The following INO80B variants were observed in gnomAD, a reference collection of about 807,000 sequenced individuals.
The protein encoded by INO80B is IES2 homolog.
A neutral mutation model predicts 31.4 loss-of-function variants in INO80B; 18 were observed. The ratio of observed to expected loss-of-function variants is 0.57; its 90% CI spans 0.40 to 0.85. The LOEUF is 0.85. INO80B is among the 40% of genes least tolerant of loss of function. INO80B has a pLI of 0.00. For synonymous variants in INO80B, 238 were observed against 199.0 expected, an observed-to-expected ratio of 1.20 and a Z score of -1.65; for missense variants, 469 against 475.4, an observed-to-expected ratio of 0.99 and a Z score of 0.13.
rs1234513574 is a variant in INO80B, at chr2:74,457,736, C to T, written c.943C>T (p.Pro315Ser). 6 of 1,600,464 alleles carry T rather than the reference C, an allele frequency of 3.7e-6. No homozygotes were observed. Among genetic ancestry groups the T allele is most frequent in the Non-Finnish European group, 5.1e-6 (6 of 1,179,756 alleles). The change falls in exon 5 of 5, where the codon CCC becomes TCC. Residue 315 changes from proline to serine, a missense_variant. Pro to Ser is a moderately conservative substitution (Grantham distance 74, BLOSUM62 -1). This residue lies in a region of INO80B where 201 missense variants were observed against 151.7 expected (regional missense o/e 1.32). Coordinates refer to ENST00000233331, the MANE Select transcript of INO80B (RefSeq NM_031288.4). ...PPPRCSVPGC[P>S]HPRRYACSRT... ...GCCGCGCTGCTCTGTCCCCGGCTGT[C>T]CCCATCCGCGCCGCTACGCTTGCTC...
chr2:74,455,476 CAAG>C lies in INO80B; in HGVS notation c.135_137del (p.Lys46del), dbSNP rs777858361. 8 of 1,614,026 alleles carry C rather than the reference CAAG, an allele frequency of 5.0e-6. No individual in the cohort carries two copies. The Admixed American group carries it at 1.3e-4, about 27-fold the overall frequency. ...TGCACAAGAAAAAACACAAGAAGCA[CAAG>C]AAGAAACACAAGAAGAAACACCATC... On this transcript the variant is annotated inframe_deletion, in exon 2 of 5. Coordinates refer to ENST00000233331, the MANE Select transcript of INO80B (RefSeq NM_031288.4).
rs758435300 is a variant in INO80B at position 74,456,281 on chromosome 2, G to A, written c.540+9G>A. 9 of 1,613,890 alleles carry A rather than the reference G, an allele frequency of 5.6e-6. No individual in the cohort carries two copies. The highest frequency in any genetic ancestry group is 6.8e-6 in the Non-Finnish European group (8 of 1,179,950). ...TGCTTACTGCTCGACAGGTATGTTG[G>A]TTCATTGTTTATTCACTCACCAAAT... On this transcript the variant is annotated intron_variant, in intron 4 of 4. Transcript: ENST00000233331.
In INO80B at chr2:74,457,652, C is replaced by G. The variant is rs1004525536; in HGVS notation, c.859C>G (p.Pro287Ala). 1 of 1,599,606 alleles carries G rather than the reference C, an allele frequency of 6.3e-7. No individual in the cohort carries two copies. The highest frequency in any genetic ancestry group is 1.3e-5 in the African/African-American group (1 of 74,840). ...AGCACAGGGTTCCACCCTTTCCTTC[C>G]CACCTGGCGTCCCCGCCCCCACGGC... is the stretch of plus-strand genomic sequence containing the variant. ...SGAQGSTLSF[P>A]PGVPAPTAVS... Residue 287 changes from proline (P) to alanine (A), a missense_variant, in exon 5 of 5, where the codon CCA becomes GCA. Around this residue, in one of 3 missense-constraint regions of INO80B, gnomAD observed 201 missense variants for 151.7 expected, o/e 1.32. Transcript: ENST00000233331.
At position 74,457,324 on chromosome 2, in the gene INO80B, C is replaced by G. The variant is rs774913836; in HGVS notation, c.541-10C>G. On this transcript the variant is annotated splice_polypyrimidine_tract_variant and intron_variant, in intron 4 of 4. Coordinates refer to ENST00000233331, the MANE Select transcript of INO80B (RefSeq NM_031288.4). ...TTTTCAGACAGCACCCCGTCTCTGT[C>G]TCTCCCTAGCGAGCTCTGCTCCAGA... 6.2e-7 allele frequency: 1 copy of G among 1,602,010 alleles called. No homozygotes were observed. The highest frequency in any genetic ancestry group is 1.1e-5 in the South Asian group (1 of 89,016).
rs749825357 is a variant in INO80B at position 74,456,235 on chromosome 2, A to G, written c.503A>G (p.Lys168Arg). 7 of 1,614,076 alleles carry G rather than the reference A, an allele frequency of 4.3e-6. No individual in the cohort carries two copies. Among genetic ancestry groups the G allele is most frequent in the Admixed American group, 3.3e-5 (2 of 60,010 alleles). Residue 168 changes from lysine to arginine, a missense_variant, in exon 4 of 5, where the codon AAG becomes AGG. By Grantham distance (26) the Lys-to-Arg change is conservative. Around this residue, in one of 3 missense-constraint regions of INO80B, gnomAD observed 223 missense variants for 253.4 expected, o/e 0.88. Transcript: ENST00000233331. Reference sequence around the variant, plus strand: ...GAGCTGGATGACAATGGAGACCTCAAGAAGGAGATCAATGAGCGGCTGCTT... The same window carrying G: ...GAGCTGGATGACAATGGAGACCTCAGGAAGGAGATCAATGAGCGGCTGCTT... ...KGELDDNGDL[K>R]KEINERLLTA...
chr2:74,457,870 T>TTACCCCGGACTACG lies in INO80B; in HGVS notation c.*8_*9insCCCCGGACTACGTA. 6.5e-7 allele frequency: 1 copy of TTACCCCGGACTACG among 1,529,064 alleles called. No individual in the cohort carries two copies. Among genetic ancestry groups the TTACCCCGGACTACG allele is most frequent in the South Asian group, 1.2e-5 (1 of 81,270 alleles). 94.7% of individuals were successfully genotyped at this position (1,529,064 alleles called of 1,614,324 possible). ...CCCCCCTTTTGGCTACGTAAGGCCC[T>TTACCCCGGACTACG]TAACCCGGACTCTGCGCCCCGTCCC... On this transcript the variant is annotated 3_prime_UTR_variant, in exon 5 of 5. Transcript: ENST00000233331.
Position 74,455,509 on chromosome 2 carries a change from AG to A in INO80B, c.163del (p.Glu55LysfsTer36). 3.1e-6 allele frequency: 5 copies of A among 1,614,178 alleles called. No individual in the cohort carries two copies. The highest frequency in any genetic ancestry group is 4.2e-6 in the Non-Finnish European group (5 of 1,180,034). On this transcript the variant is annotated frameshift_variant, in exon 2 of 5. Coordinates refer to ENST00000233331, the MANE Select transcript of INO80B (RefSeq NM_031288.4). LOFTEE classifies it high-confidence loss of function. ...AACACAAGAAGAAACACCATCAGGA[AG>A]AAGACGCCGGGCCCACGCAGCCGTC... The part of the protein sequence containing the change: ...KKHKKKHHQE[E>X]DAGPTQPSPA...
At position 74,457,850 on chromosome 2, in the gene INO80B, C is replaced by T. The variant is rs766681290; in HGVS notation, c.1057C>T (p.Leu353Phe). ...LGGPEGPGSP[L>F]LAT ...GGGGCCCGAGGGTCCTGGATCCCCC[C>T]TTTTGGCTACGTAAGGCCCTTAACC... Residue 353 changes from leucine (L) to phenylalanine (F), a missense_variant, in exon 5 of 5, where the codon CTT becomes TTT. By Grantham distance (22) the Leu-to-Phe change is conservative. This residue lies in a region of INO80B where 201 missense variants were observed against 151.7 expected (regional missense o/e 1.32). Coordinates refer to ENST00000233331, the MANE Select transcript of INO80B (RefSeq NM_031288.4). 3.8e-6 allele frequency: 6 copies of T among 1,560,364 alleles called. No individual in the cohort carries two copies. Among genetic ancestry groups the T allele is most frequent in the Non-Finnish European group, 5.2e-6 (6 of 1,159,648 alleles).
At chr2:74,456,550 G>A (rs147340295) in intron 4 of INO80B, among the ~76,000 whole-genome samples, 1 of 152,348 alleles carries the variant, frequency 6.6e-6, no homozygotes, top group East Asian at 1.9e-4. Flanking sequence ...AGAGACATTA[G>A]GGTAGTTAGA....
Position 74,455,366 on chromosome 2 carries a change from C to A in INO80B, c.59-40C>A, listed in dbSNP as rs563520386. 5.6e-4 allele frequency: 907 copies of A among 1,612,444 alleles called. 14 individuals are homozygous for A. The South Asian group carries it at 9.4e-3, about 17-fold the overall frequency. ...AGGTTATTCAGGGCTTCCCCTGCCACCCTCCGGCCAAACACTGTCGACAGG... is the reference window on the plus strand; with the variant it reads ...AGGTTATTCAGGGCTTCCCCTGCCAACCTCCGGCCAAACACTGTCGACAGG... On this transcript the variant is annotated intron_variant, in intron 1 of 4. Transcript: ENST00000233331.
chr2:74,455,173 G>C lies in INO80B; in HGVS notation c.57G>C (p.Pro19=), dbSNP rs1360204968. The change falls in exon 1 of 5, where the codon CCG becomes CCC. Residue 19 remains proline (P), a splice_region_variant and synonymous_variant. Transcript: ENST00000233331. ...CTGGGGCTATGGAGGCCCCTGAGCC[G>C]GGTAAGCGCGAATAGATCAAGCAAT... ...STSGAMEAPE[P]GEALELSLAG... The C allele has an allele frequency of 6.2e-7, 1 of 1,614,190 alleles. No homozygotes were observed. Among genetic ancestry groups the C allele is most frequent in the South Asian group, 1.1e-5 (1 of 91,088 alleles).
At chr2:74,457,263 C>G (rs538697886) in intron 4 of INO80B, 71 bp from the exon 5 acceptor site, 5 of 1,499,222 alleles carry the variant, frequency 3.3e-6, no homozygotes, top group South Asian at 2.5e-5. Context: ...TTCCCCTCCC[C>G]CGATCTGGCC....
Position 74,457,558 on chromosome 2 carries a change from G to T in INO80B, c.765G>T (p.Gly255=). 1 of 1,517,290 alleles carries T rather than the reference G, an allele frequency of 6.6e-7. No homozygotes were observed. Among genetic ancestry groups the T allele is most frequent in the East Asian group, 2.5e-5 (1 of 39,826 alleles). The allele number at this position is 1,517,290 out of a possible 1,614,324, so 94.0% of individuals were successfully genotyped here. The change falls in exon 5 of 5, where the codon GGG becomes GGT. Residue 255 remains glycine (G), a synonymous_variant. Coordinates refer to ENST00000233331, the MANE Select transcript of INO80B (RefSeq NM_031288.4). ...CGACCAGTGGGCGGGGAGGCCGGGG[G>T]GGCGCACGGGGCGAGCGGCGGGGAG... ...TAATSGRGGR[G]GARGERRGGR...
At chr2:74,456,787 G>C (rs971225438) in intron 4 of INO80B, among the ~76,000 whole-genome samples, 2 of 152,262 alleles carry the variant, frequency 1.3e-5, no homozygotes, top group Non-Finnish European at 2.9e-5. Context: ...AGAGATAGAA[G>C]TATGGAGAAC....
At position 74,457,815 on chromosome 2, in the gene INO80B, T is replaced by A. The variant is rs2103963939; in HGVS notation, c.1022T>A (p.Met341Lys). 1 of 1,588,906 alleles carries A rather than the reference T, an allele frequency of 6.3e-7. No homozygotes were observed. Among genetic ancestry groups the A allele is most frequent in the South Asian group, 1.1e-5 (1 of 89,940 alleles). The change falls in exon 5 of 5, where the codon ATG becomes AAG. Residue 341 changes from methionine to lysine, a missense_variant. Coordinates refer to ENST00000233331, the MANE Select transcript of INO80B (RefSeq NM_031288.4). ...CAGTGCTACCGCATCAACCTGCAGA[T>A]GCGGCTGGGGGGGCCCGAGGGTCCT... is the stretch of plus-strand genomic sequence containing the variant. ...SLQCYRINLQMRLGGPEGPGS... is the reference protein window; with the variant it reads ...SLQCYRINLQKRLGGPEGPGS...
At chr2:74,455,620 T>A in intron 2 of INO80B, 22 bp downstream of exon 2, 1 of 1,582,460 alleles carries the variant, frequency 6.3e-7, no homozygotes, top group Non-Finnish European at 8.6e-7. Context: ...AGGGTCATAG[T>A]TTTATAAGGG....
intron 4 of INO80B, among the ~76,000 whole-genome samples, chr2:74,456,798 A>T (rs1014023453): frequency 4.6e-5 from 7 of 152,260 alleles, no homozygotes; most frequent in Non-Finnish European, 1.0e-4. Context: ...TATGGAGAAC[A>T]ACTAGGAAGC....
Position 74,455,931 on chromosome 2 carries a change from G to A in INO80B, c.365G>A (p.Trp122Ter). 1 of 1,603,474 alleles carries A rather than the reference G, an allele frequency of 6.2e-7. No individual in the cohort carries two copies. Among genetic ancestry groups the A allele is most frequent in the African/African-American group, 1.3e-5 (1 of 74,860 alleles). Residue 122 changes from tryptophan to a stop codon, truncating the protein, a stop_gained, in exon 3 of 5, where the codon TGG becomes TAG. Coordinates refer to ENST00000233331, the MANE Select transcript of INO80B (RefSeq NM_031288.4). LOFTEE classifies it high-confidence loss of function. ...GTCCCCCTTGAGCAGTACCGTGCCT[G>A]GCTGGGTGAGGATCTGGAGGTGGGG... ...EGVPLEQYRA[W>*]LDEDSNLSPS...
In INO80B at chr2:74,457,831, C is replaced by T. The variant is rs768194664; in HGVS notation, c.1038C>T (p.Pro346=). ...ACCTGCAGATGCGGCTGGGGGGGCC[C>T]GAGGGTCCTGGATCCCCCCTTTTGG... ...RINLQMRLGG[P]EGPGSPLLAT The change falls in exon 5 of 5, where the codon CCC becomes CCT. Residue 346 remains proline, a synonymous_variant. Transcript: ENST00000233331. The T allele has an allele frequency of 8.9e-6, 14 of 1,579,022 alleles. No homozygotes were observed. Among genetic ancestry groups the T allele is most frequent in the African/African-American group, 4.1e-5 (3 of 73,704 alleles).
Sources: gnomAD v4.1 joint callset for allele counts (sites outside exome capture counted in the v4.1 genomes callset) on GRCh38, gnomAD v4.1.1 for gene constraint, gnomAD v4.1.1 regional missense constraint, MANE v1.5 for transcripts, NCBI Gene and HGNC (gene_info 2026-07-23, HGNC 2026-07-21) for gene names.